Variants in ARHGAP15 observed in about 807,000 individuals in gnomAD.
The protein encoded by ARHGAP15 is rho GTPase-activating protein 15.
Under a neutral mutation model 63.7 loss-of-function variants are expected in ARHGAP15, and 51 were observed. The observed-to-expected ratio is 0.80, with a 90% CI of 0.64 to 1.01. The LOEUF (loss-of-function observed/expected upper bound fraction) is 1.01. Ranked by LOEUF, ARHGAP15 falls within the 50% of genes least tolerant of loss-of-function variation. The probability of loss-of-function intolerance (pLI) is 0.00; values close to 1 mark genes in which losing one functional copy is unlikely to be tolerated. For synonymous variants in ARHGAP15, 191 were observed against 193.8 expected, an observed-to-expected ratio of 0.99 and a Z score of 0.12; for missense variants, 560 against 564.6, an observed-to-expected ratio of 0.99 and a Z score of 0.08.
At chr2:143,365,737 A>T (rs1455503618) in intron 6 of ARHGAP15, among the ~76,000 whole-genome samples, 1 of 152,178 alleles carries the variant, frequency 6.6e-6, no homozygotes, top group Non-Finnish European at 1.5e-5. Context: ...TTCTAAATCG[A>T]TTTATATGTA....
intron 8 of ARHGAP15, among the ~76,000 whole-genome samples, chr2:143,455,041 C>T (rs1017894211): frequency 7.9e-5 from 12 of 151,792 alleles, no homozygotes; most frequent in African/African-American, 2.7e-4. Flanking sequence ...TTGGACCTCG[C>T]GCAAGAAAGA....
Position 143,307,100 on chromosome 2 carries a change from A to AT in ARHGAP15, c.474+56502dup, listed in dbSNP as rs370984347. On this transcript the variant is annotated intron_variant, in intron 6 of 13. Transcript: ENST00000295095. ...TCCCATACACTTTATGACATAGCTG[A>AT]TTGTTTTCTTCAAGGCCAGCAGGAG... is the stretch of plus-strand genomic sequence containing the variant. 2.3e-3 allele frequency among the ~76,000 whole-genome samples: 344 copies of AT among 152,168 alleles called. 4 individuals are homozygous for AT. The highest frequency in any genetic ancestry group is 7.9e-3 in the African/African-American group (327 of 41,524).
intron 6 of ARHGAP15, among the ~76,000 whole-genome samples, chr2:143,426,108 G>A (rs1215100259): frequency 6.6e-6 from 1 of 152,140 alleles, no homozygotes; most frequent in Non-Finnish European, 1.5e-5. Flanking sequence ...TCATATGTGT[G>A]TGTGCCTGGG....
chr2:143,182,259 C>G (rs910767861), intron 2 of ARHGAP15, among the ~76,000 whole-genome samples: 16 of 152,148 alleles, frequency 1.1e-4, no homozygotes, highest in Non-Finnish European at 1.9e-4. Flanking sequence ...TGCAACTCTT[C>G]TTTTCACTTA....
intron 6 of ARHGAP15, among the ~76,000 whole-genome samples, chr2:143,432,550 A>T (rs1689433984): frequency 6.6e-6 from 1 of 152,054 alleles, no homozygotes; most frequent in African/African-American, 2.4e-5. Context: ...GACACAGACT[A>T]TTCTAAGCCC....
intron 12 of ARHGAP15, chr2:143,656,060 AGTTATAAT>A (rs998160386): frequency 2.0e-5 from 3 of 152,336 alleles, no homozygotes; most frequent in Admixed American, 6.5e-5. Flanking sequence ...GTTGCTTATA[AGTTATAAT>A]ATTTCTTAGT....
intron 11 of ARHGAP15, among the ~76,000 whole-genome samples, chr2:143,574,507 TAAAA>T (rs893372232): frequency 3.3e-5 from 5 of 151,860 alleles, no homozygotes; most frequent in African/African-American, 9.6e-5. Context: ...AAAATAATAA[TAAAA>T]AAGATGAAAA....
At chr2:143,353,956 T>C (rs1685689177) in intron 6 of ARHGAP15, among the ~76,000 whole-genome samples, 1 of 152,150 alleles carries the variant, frequency 6.6e-6, no homozygotes. Flanking sequence ...GGCTCTAGAA[T>C]GATGTTGTCT....
chr2:143,315,640 A>T (rs902224893), intron 6 of ARHGAP15, among the ~76,000 whole-genome samples: 1 of 152,198 alleles, frequency 6.6e-6, no homozygotes, highest in African/African-American at 2.4e-5. Flanking sequence ...TAACAGTTAC[A>T]GAATAATACT....
chr2:143,416,410 G>A (rs1219655322), intron 6 of ARHGAP15, among the ~76,000 whole-genome samples: 2 of 152,150 alleles, frequency 1.3e-5, no homozygotes, highest in Non-Finnish European at 2.9e-5. Flanking sequence ...CCATAAAGAG[G>A]CAAAATTAGA....
intron 5 of ARHGAP15, among the ~76,000 whole-genome samples, chr2:143,241,850 C>A (rs914255692): frequency 1.3e-5 from 2 of 152,070 alleles, no homozygotes; most frequent in Non-Finnish European, 2.9e-5. Flanking sequence ...GGAAGTCAGG[C>A]CAGAAGTGAT....
intron 12 of ARHGAP15, among the ~76,000 whole-genome samples, chr2:143,692,583 G>T (rs1683658685): frequency 6.6e-6 from 1 of 152,182 alleles, no homozygotes; most frequent in East Asian, 1.9e-4. Context: ...GTTGTTTGTT[G>T]CTTGTTATTT....
At chr2:143,302,111 C>T (rs1682932429) in intron 6 of ARHGAP15, among the ~76,000 whole-genome samples, 1 of 151,964 alleles carries the variant, frequency 6.6e-6, no homozygotes, top group South Asian at 2.1e-4. Flanking sequence ...ATTTGTTCAC[C>T]TGCCAAATAG....
At chr2:143,509,343 A>AT (rs1559017923) in intron 9 of ARHGAP15, among the ~76,000 whole-genome samples, 1 of 151,794 alleles carries the variant, frequency 6.6e-6, no homozygotes, top group Non-Finnish European at 1.5e-5. Flanking sequence ...AAAAAAAAAA[A>AT]AAATAAGTAA....
At chr2:143,376,298 A>G (rs1325535427) in intron 6 of ARHGAP15, among the ~76,000 whole-genome samples, 1 of 152,202 alleles carries the variant, frequency 6.6e-6, no homozygotes, top group Non-Finnish European at 1.5e-5. Context: ...AGAGCATGCT[A>G]TGTAATTTGT....
chr2:143,283,224 A>G (rs1051759346), intron 6 of ARHGAP15, among the ~76,000 whole-genome samples: 3 of 152,176 alleles, frequency 2.0e-5, no homozygotes, highest in African/African-American at 7.2e-5. Flanking sequence ...CAAGAGATCA[A>G]TAATGTCACA....
At chr2:143,404,195 C>T (rs561707954) in intron 6 of ARHGAP15, among the ~76,000 whole-genome samples, 1 of 151,684 alleles carries the variant, frequency 6.6e-6, no homozygotes, top group African/African-American at 2.4e-5. Flanking sequence ...CCTTGAAGGA[C>T]AAGGGAAACA....
At chr2:143,511,379 G>A (rs1693581031) in intron 9 of ARHGAP15, among the ~76,000 whole-genome samples, 1 of 152,126 alleles carries the variant, frequency 6.6e-6, no homozygotes, top group South Asian at 2.1e-4. Flanking sequence ...AAGATAGAAT[G>A]ATCACACTGG....
At chr2:143,232,857 A>G (rs1233571663) in intron 5 of ARHGAP15, among the ~76,000 whole-genome samples, 1 of 152,042 alleles carries the variant, frequency 6.6e-6, no homozygotes, top group Non-Finnish European at 1.5e-5. Flanking sequence ...TTCTTTCACT[A>G]AGTATTTCTT....
Sources: gnomAD v4.1 joint callset for allele counts (sites outside exome capture counted in the v4.1 genomes callset) on GRCh38, gnomAD v4.1.1 for gene constraint, MANE v1.5 for transcripts, NCBI Gene and HGNC (gene_info 2026-07-23, HGNC 2026-07-21) for gene names.